KLHL7: variants seen among roughly 807,000 people sequenced by gnomAD.
KLHL7 encodes the protein kelch-like protein 7.
Under a neutral mutation model 67.4 loss-of-function variants are expected in KLHL7, and 44 were observed. That is an observed-to-expected ratio of 0.65 (90% CI 0.51 to 0.84). KLHL7 has a LOEUF of 0.84. KLHL7 is among the 40% of genes least tolerant of loss of function. The probability of loss-of-function intolerance (pLI) is 0.00; values close to 1 mark genes in which losing one functional copy is unlikely to be tolerated. For missense variants in KLHL7, 362 were observed against 718.1 expected (o/e 0.50, Z 5.67); for synonymous variants, 252 against 243.3 (o/e 1.04, Z -0.33).
At chr7:23,150,279 TC>T (rs1784489949) in intron 6 of KLHL7, among the ~76,000 whole-genome samples, 1 of 152,206 alleles carries the variant, frequency 6.6e-6, no homozygotes, top group African/African-American at 2.4e-5. Context: ...TTTTCCCTAC[TC>T]TCTCATTCTC....
At chr7:23,112,560 TG>T (rs1019974153) in intron 1 of KLHL7, among the ~76,000 whole-genome samples, 12 of 152,152 alleles carry the variant, frequency 7.9e-5, no homozygotes, top group Non-Finnish European at 1.8e-4. Flanking sequence ...TTTCGAAAAT[TG>T]GGAAGAAATT....
chr7:23,158,320 G>A (rs1043851360), intron 7 of KLHL7, among the ~76,000 whole-genome samples: 8 of 152,022 alleles, frequency 5.3e-5, no homozygotes, highest in African/African-American at 1.9e-4. Flanking sequence ...GAGAGCAGTG[G>A]GTCCATGAGC....
chr7:23,108,500 C>T (rs1410735553), intron 1 of KLHL7, among the ~76,000 whole-genome samples: 2 of 152,168 alleles, frequency 1.3e-5, no homozygotes, highest in African/African-American at 4.8e-5. Flanking sequence ...GCACATCCCA[C>T]CAACAAGACG....
chr7:23,166,579 T>C (rs1167945501), intron 8 of KLHL7, among the ~76,000 whole-genome samples: 1 of 152,174 alleles, frequency 6.6e-6, no homozygotes, highest in African/African-American at 2.4e-5. Flanking sequence ...GCTTAAATAA[T>C]GGGCTAATAA....
chr7:23,118,109 C>T, intron 1 of KLHL7: 1 of 950,292 alleles, frequency 1.1e-6, no homozygotes, highest in Non-Finnish European at 1.6e-6. Context: ...GACCCAACTG[C>T]CTTTTGTAAT....
intron 4 of KLHL7, among the ~76,000 whole-genome samples, chr7:23,137,009 G>A (rs1784001651): frequency 6.6e-6 from 1 of 152,144 alleles, no homozygotes; most frequent in African/African-American, 2.4e-5. Context: ...ATTAGGCCAG[G>A]TGCAGTGTCT....
intron 7 of KLHL7, among the ~76,000 whole-genome samples, chr7:23,154,145 G>A (rs1008865524): frequency 2.0e-5 from 3 of 152,310 alleles, no homozygotes; most frequent in Admixed American, 2.0e-4. Flanking sequence ...CCTGAAGTCA[G>A]GAGTTTGAGA....
chr7:23,144,256 C>T (rs978241903), intron 6 of KLHL7, among the ~76,000 whole-genome samples: 21 of 152,156 alleles, frequency 1.4e-4, no homozygotes, highest in African/African-American at 5.1e-4. Context: ...TTATGCTTTT[C>T]CTATTCTTGT....
chr7:23,147,112 T>C (rs1247718801), intron 6 of KLHL7, among the ~76,000 whole-genome samples: 1 of 150,238 alleles, frequency 6.7e-6, no homozygotes, highest in African/African-American at 2.5e-5. Context: ...TTTTTTTTTT[T>C]AGACAGTCTC....
intron 9 of KLHL7, among the ~76,000 whole-genome samples, chr7:23,170,907 C>CCTTT (rs529403832): frequency 7.5e-6 from 1 of 132,938 alleles, no homozygotes; most frequent in South Asian, 2.3e-4. Flanking sequence ...TAAGAAATGA[C>CCTTT]TTTTTTTTTT....
At chr7:23,168,303 T>C (rs1232907462) in intron 9 of KLHL7, among the ~76,000 whole-genome samples, 1 of 152,214 alleles carries the variant, frequency 6.6e-6, no homozygotes, top group Non-Finnish European at 1.5e-5. Context: ...ACACATCTGA[T>C]TGATTCGTCA....
chr7:23,126,778 T>TA (rs1325491716), intron 4 of KLHL7, among the ~76,000 whole-genome samples: 4 of 152,038 alleles, frequency 2.6e-5, no homozygotes, highest in African/African-American at 9.7e-5. Context: ...GTGAAGGGAA[T>TA]AAAAATGAGA....
chr7:23,136,497 C>T (rs1341062979), intron 4 of KLHL7, among the ~76,000 whole-genome samples: 4 of 152,158 alleles, frequency 2.6e-5, no homozygotes, highest in Non-Finnish European at 5.9e-5. Flanking sequence ...ATTTGAATAA[C>T]ACAAACTTGT....
At chr7:23,116,414 T>A (rs1022533135) in intron 1 of KLHL7, among the ~76,000 whole-genome samples, 1 of 152,250 alleles carries the variant, frequency 6.6e-6, no homozygotes, top group Non-Finnish European at 1.5e-5. Flanking sequence ...TTCTGTCACC[T>A]ATTTGTGTCA....
intron 6 of KLHL7, 120 bp from the exon 7 acceptor site, chr7:23,151,947 A>C: frequency 2.2e-6 from 2 of 904,316 alleles, no homozygotes; most frequent in Non-Finnish European, 3.6e-6. Flanking sequence ...CTCAAATGCT[A>C]TAGAGATATC....
rs533034172 is a variant in KLHL7 at position 23,157,805 on chromosome 7, G to A, written c.936+5596G>A. Among the ~76,000 whole-genome samples the A allele has an allele frequency of 2.6e-5, 4 of 152,274 alleles. No homozygotes were observed. The South Asian group carries it at 6.2e-4, about 24-fold the overall frequency. ...AAATATGACTGGTGCTGGGAGTCAT[G>A]ACATCAAACTCATTCTCCATAGCCA... On this transcript the variant is annotated intron_variant, in intron 7 of 10. Transcript: ENST00000339077.
At chr7:23,169,487 A>C (rs1049403613) in intron 9 of KLHL7, among the ~76,000 whole-genome samples, 1 of 151,992 alleles carries the variant, frequency 6.6e-6, no homozygotes, top group Admixed American at 6.5e-5. Context: ...CTTCCCATAA[A>C]CCCTAGGCTC....
At chr7:23,172,773 A>C in intron 9 of KLHL7, 175 bp from the exon 10 acceptor site, 1 of 565,910 alleles carries the variant, frequency 1.8e-6, no homozygotes, top group Non-Finnish European at 3.2e-6. Flanking sequence ...GTATTAATAA[A>C]TTACCCATAA....
At chr7:23,119,976 G>A (rs1432551447) in intron 1 of KLHL7, among the ~76,000 whole-genome samples, 1 of 151,892 alleles carries the variant, frequency 6.6e-6, no homozygotes, top group African/African-American at 2.4e-5. Flanking sequence ...GTAATGACAA[G>A]GATTTGTATA....
Sources: gnomAD v4.1 joint callset for allele counts (sites outside exome capture counted in the v4.1 genomes callset) on GRCh38, gnomAD v4.1.1 for gene constraint, MANE v1.5 for transcripts, NCBI Gene and HGNC (gene_info 2026-07-23, HGNC 2026-07-21) for gene names.